The following YAP1 variants were observed in gnomAD, a reference collection of about 807,000 sequenced individuals.
The protein encoded by YAP1 is transcriptional coactivator YAP1.
YAP1 carries 5 observed loss-of-function variants against 56.9 expected under a neutral mutation model. The observed-to-expected ratio is 0.09, with a 90% CI of 0.05 to 0.18. The LOEUF is 0.18. Ranked by LOEUF, YAP1 falls within the 10% of genes least tolerant of loss-of-function variation. The probability of loss-of-function intolerance (pLI) is 1.00; values close to 1 mark genes in which losing one functional copy is unlikely to be tolerated. For missense variants in YAP1, 539 were observed against 651.8 expected (o/e 0.83, Z 1.88); for synonymous variants, 265 against 248.1 (o/e 1.07, Z -0.64).
At chr11:102,205,756 A>AT in intron 4 of YAP1, 137 bp from the exon 5 acceptor site, 1 of 727,904 alleles carries the variant, frequency 1.4e-6, no homozygotes, top group Non-Finnish European at 2.1e-6. Context: ...ATATTGATGG[A>AT]TTTTTAGGTT....
intron 3 of YAP1, among the ~76,000 whole-genome samples, chr11:102,174,485 A>T (rs1359125688): frequency 6.6e-6 from 1 of 152,024 alleles, no homozygotes; most frequent in East Asian, 1.9e-4. Flanking sequence ...AGACAGGAGA[A>T]TCGCTTGAAC....
chr11:102,187,903 T>C (rs1948062190), intron 4 of YAP1, among the ~76,000 whole-genome samples: 1 of 152,188 alleles, frequency 6.6e-6, no homozygotes, highest in Non-Finnish European at 1.5e-5. Flanking sequence ...GTTTCCCTTT[T>C]TGGGCCCACC....
At chr11:102,123,840 C>T (rs1006833612) in intron 2 of YAP1, among the ~76,000 whole-genome samples, 27 of 151,782 alleles carry the variant, frequency 1.8e-4, no homozygotes, top group African/African-American at 4.8e-4. Context: ...GGAGTTTCAC[C>T]GTGGTCTCGA....
At chr11:102,197,021 A>T (rs887466108) in intron 4 of YAP1, among the ~76,000 whole-genome samples, 1 of 152,212 alleles carries the variant, frequency 6.6e-6, no homozygotes, top group Non-Finnish European at 1.5e-5. Context: ...GTCATGCAGT[A>T]AACACTTAGA....
rs530328642 is a variant in YAP1 at position 102,136,435 on chromosome 11, G to C, written c.572+22041G>C. On this transcript the variant is annotated intron_variant, in intron 2 of 8. Transcript: ENST00000282441. The stretch of plus-strand genomic sequence containing the variant: ...GGCTCACTGCAACCTCCATCTCCCA[G>C]GCCCAAGTGATCCTCTCACCTCAGC... Among the ~76,000 whole-genome samples, 6 of 151,790 alleles carry C rather than the reference G, an allele frequency of 4.0e-5. 1 individual carries two copies. The highest frequency in any genetic ancestry group is 3.3e-4 in the Admixed American group (5 of 15,220).
intron 5 of YAP1, among the ~76,000 whole-genome samples, chr11:102,208,392 GTCTA>G (rs1007854287): frequency 2.0e-5 from 3 of 152,076 alleles, no homozygotes; most frequent in African/African-American, 7.2e-5. Flanking sequence ...CTGTTAATTT[GTCTA>G]TTATCAGTTC....
chr11:102,187,642 T>C (rs1948045929), intron 4 of YAP1, among the ~76,000 whole-genome samples: 1 of 152,324 alleles, frequency 6.6e-6, no homozygotes, highest in East Asian at 1.9e-4. Flanking sequence ...TGACGAACGC[T>C]TTACCAACTG....
chr11:102,198,703 G>A (rs191826405), intron 4 of YAP1, among the ~76,000 whole-genome samples: 11 of 152,000 alleles, frequency 7.2e-5, no homozygotes, highest in Admixed American at 3.3e-4. Flanking sequence ...CTCAATTTAC[G>A]ACATGTTCAT....
At chr11:102,154,219 T>C (rs1163591711) in intron 2 of YAP1, among the ~76,000 whole-genome samples, 1 of 152,204 alleles carries the variant, frequency 6.6e-6, no homozygotes, top group Admixed American at 6.5e-5. Flanking sequence ...AGTTGAATCC[T>C]AGTTTTCAGC....
intron 2 of YAP1, among the ~76,000 whole-genome samples, chr11:102,134,066 C>A (rs911397898): frequency 6.6e-6 from 1 of 152,192 alleles, no homozygotes; most frequent in Non-Finnish European, 1.5e-5. Flanking sequence ...ACCCTATCTC[C>A]AAATGTCAGC....
intron 2 of YAP1, among the ~76,000 whole-genome samples, chr11:102,120,254 A>C (rs1447646697): frequency 2.0e-5 from 3 of 152,228 alleles, no homozygotes; most frequent in African/African-American, 7.2e-5. Context: ...AAATGCAAAC[A>C]AAGAAGTTTG....
chr11:102,161,345 TAC>T (rs34552492), intron 2 of YAP1, among the ~76,000 whole-genome samples: 48,408 of 140,882 alleles, frequency 0.34, 8,551 homozygotes, highest in Middle Eastern at 0.48. Flanking sequence ...GTACTTTCAC[TAC>T]ACACACACAC....
intron 2 of YAP1, among the ~76,000 whole-genome samples, chr11:102,150,921 T>G (rs540263383): frequency 6.7e-6 from 1 of 149,814 alleles, no homozygotes; most frequent in Admixed American, 6.7e-5. Flanking sequence ...CTGCCTCACC[T>G]TCCTGAGTAG....
intron 6 of YAP1, among the ~76,000 whole-genome samples, chr11:102,216,070 G>A (rs1949647305): frequency 6.6e-6 from 1 of 152,192 alleles, no homozygotes; most frequent in East Asian, 1.9e-4. Flanking sequence ...GGAAATTTCG[G>A]AAAGTATCCT....
chr11:102,197,045 G>A (rs1738733997), intron 4 of YAP1, among the ~76,000 whole-genome samples: 1 of 152,100 alleles, frequency 6.6e-6, no homozygotes, highest in Non-Finnish European at 1.5e-5. Flanking sequence ...AGGAGTGAGT[G>A]TTTTGTGTTT....
chr11:102,145,251 G>A (rs1945264954), intron 2 of YAP1, among the ~76,000 whole-genome samples: 1 of 152,172 alleles, frequency 6.6e-6, no homozygotes, highest in African/African-American at 2.4e-5. Context: ...TTGGAGTTCA[G>A]CTCAGTGTTT....
At chr11:102,161,824 A>G (rs1209973100) in intron 2 of YAP1, among the ~76,000 whole-genome samples, 1 of 152,222 alleles carries the variant, frequency 6.6e-6, no homozygotes, top group Non-Finnish European at 1.5e-5. Context: ...ATAGATTAAG[A>G]AATCTATATG....
Position 102,142,953 on chromosome 11 carries a change from T to C in YAP1, c.573-19503T>C, listed in dbSNP as rs540193015. ...CAACTGTATCTTAAATACTTAGGTG[T>C]AGTCTCTTAACGTGTGTTACCTCTT... is the stretch of plus-strand genomic sequence containing the variant. On this transcript the variant is annotated intron_variant, in intron 2 of 8. Coordinates refer to ENST00000282441, the MANE Select transcript of YAP1 (RefSeq NM_001130145.3). Among the ~76,000 whole-genome samples, 219 of 152,334 alleles carry C rather than the reference T, an allele frequency of 1.4e-3. 3 individuals are homozygous for C. Among genetic ancestry groups the C allele is most frequent in the Non-Finnish European group, 1.8e-3 (121 of 68,026 alleles).
At chr11:102,223,298 C>T (rs1000467621) in intron 6 of YAP1, among the ~76,000 whole-genome samples, 1 of 148,534 alleles carries the variant, frequency 6.7e-6, no homozygotes, top group Non-Finnish European at 1.5e-5. Context: ...AAAGACCAGA[C>T]TTGCCATTCT....
Sources: gnomAD v4.1 joint callset for allele counts (sites outside exome capture counted in the v4.1 genomes callset) on GRCh38, gnomAD v4.1.1 for gene constraint, MANE v1.5 for transcripts, NCBI Gene and HGNC (gene_info 2026-07-23, HGNC 2026-07-21) for gene names.